Variants in RANBP17 observed in about 807,000 individuals in gnomAD.
RANBP17 encodes the protein RAN binding protein 17.
In RANBP17, 158 loss-of-function variants were observed where a neutral mutation model predicts 141.2. That is an observed-to-expected ratio of 1.12 (90% CI 0.98 to 1.28). RANBP17 has a LOEUF of 1.28. RANBP17 is among the 50% of genes most tolerant of loss of function. The pLI, the probability that RANBP17 is intolerant of heterozygous loss-of-function variation, is 0.00. For missense variants in RANBP17, 1,438 were observed against 1,290.7 expected, an observed-to-expected ratio of 1.11 and a Z score of -1.75; for synonymous variants, 430 against 450.0, an observed-to-expected ratio of 0.96 and a Z score of 0.56.
chr5:171,265,818 A>G lies in RANBP17; in HGVS notation c.2914A>G (p.Met972Val). The G allele has an allele frequency of 1.2e-6, 2 of 1,613,718 alleles. No individual in the cohort carries two copies. Among genetic ancestry groups the G allele is most frequent in the Non-Finnish European group, 1.7e-6 (2 of 1,179,876 alleles). Residue 972 changes from methionine to valine, a missense_variant, in exon 25 of 28, where the codon ATG (methionine) becomes GTG (valine). Physicochemically the swap from Met to Val is conservative, Grantham distance 21. Coordinates refer to ENST00000523189, the MANE Select transcript of RANBP17 (RefSeq NM_022897.5). ...TQAGQRLLHF[M>V]QQNPDVLQQM... is the part of the protein sequence containing the mutation. ...GGCTGGTCAGAGACTATTACATTTT[A>G]TGCAGCAAAACCCAGATGTCCTGCA...
rs111416757 is a variant in RANBP17, at chr5:170,869,241, T to C, written c.18+7190T>C. The stretch of plus-strand genomic sequence containing the variant: ...AAAACAGACAAATAATTTCCAGACT[T>C]TTCCATAATCTTTCCAAATAGGTTT... On this transcript the variant is annotated intron_variant, in intron 1 of 27. Transcript: ENST00000523189. 3.5e-3 allele frequency among the ~76,000 whole-genome samples: 528 copies of C among 152,296 alleles called. 6 individuals are homozygous for C. Among genetic ancestry groups the C allele is most frequent in the Admixed American group, 2.7e-3 (41 of 15,298 alleles).
At chr5:170,940,955 T>C (rs1774278797) in intron 12 of RANBP17, among the ~76,000 whole-genome samples, 1 of 151,366 alleles carries the variant, frequency 6.6e-6, no homozygotes, top group Non-Finnish European at 1.5e-5. Flanking sequence ...AAAACTAAAT[T>C]GCAAAACAAA....
intron 14 of RANBP17, among the ~76,000 whole-genome samples, chr5:171,082,762 C>A (rs931687915): frequency 1.3e-5 from 2 of 152,070 alleles, no homozygotes; most frequent in African/African-American, 4.8e-5. Flanking sequence ...TCTTAAATAA[C>A]TTCTGCTTTG....
intron 19 of RANBP17, among the ~76,000 whole-genome samples, chr5:171,204,166 G>A (rs1389307331): frequency 6.6e-6 from 1 of 152,196 alleles, no homozygotes; most frequent in Non-Finnish European, 1.5e-5. Flanking sequence ...TAATTTAAAG[G>A]AGCAGAAACA....
rs1764984012 is a variant in RANBP17, at chr5:171,242,963, G to T, written c.2776+143G>T. 1.5e-5 allele frequency: 11 copies of T among 753,546 alleles called. No homozygotes were observed. In the East Asian group the frequency reaches 2.8e-4, roughly 19 times the overall value. 46.7% of individuals were successfully genotyped at this position (753,546 alleles called of 1,614,324 possible). ...GAAAGATTATAATTATTACTTGCAA[G>T]TGGGAAAAATGTATTTCTTCATATT... On this transcript the variant is annotated intron_variant, in intron 24 of 27. Coordinates refer to ENST00000523189, the MANE Select transcript of RANBP17 (RefSeq NM_022897.5).
chr5:171,076,331 AT>A (rs1432646820), intron 14 of RANBP17, among the ~76,000 whole-genome samples: 1 of 152,220 alleles, frequency 6.6e-6, no homozygotes, highest in East Asian at 1.9e-4. Flanking sequence ...AATGAAAGAT[AT>A]CTGAGTTTCA....
rs111611723 is a variant in RANBP17, at chr5:170,892,195, T to A, written c.257-192T>A. ...GTGCTGAACATGGAGGTTTGTTACA[T>A]AGGTATACATGTGCCATGGTGTTTT... On this transcript the variant is annotated intron_variant, in intron 3 of 27. Transcript: ENST00000523189. Among the ~76,000 whole-genome samples the A allele has an allele frequency of 5.9e-3, 885 of 150,760 alleles. 7 individuals are homozygous for A. Among genetic ancestry groups the A allele is most frequent in the African/African-American group, 0.021 (843 of 41,020 alleles).
At chr5:171,093,577 G>T (rs1786469676) in intron 14 of RANBP17, among the ~76,000 whole-genome samples, 1 of 152,190 alleles carries the variant, frequency 6.6e-6, no homozygotes. Flanking sequence ...AGAGACAAAA[G>T]ACAAATATAG....
intron 14 of RANBP17, among the ~76,000 whole-genome samples, chr5:171,147,963 C>G (rs1013525475): frequency 6.6e-6 from 1 of 152,032 alleles, no homozygotes. Context: ...GAAAGGTGGG[C>G]AAAAGATTGA....
At chr5:170,902,023 A>G (rs1770687341) in intron 5 of RANBP17, among the ~76,000 whole-genome samples, 1 of 152,108 alleles carries the variant, frequency 6.6e-6, no homozygotes, top group Non-Finnish European at 1.5e-5. Context: ...CTCTAGGAGT[A>G]TCTTTGTGAT....
chr5:171,267,601 G>A (rs1766811960), intron 25 of RANBP17, among the ~76,000 whole-genome samples: 1 of 152,098 alleles, frequency 6.6e-6, no homozygotes, highest in African/African-American at 2.4e-5. Context: ...GAGGTCAGGA[G>A]TTCGAGACCA....
intron 14 of RANBP17, among the ~76,000 whole-genome samples, chr5:171,062,429 G>C (rs536055412): frequency 2.0e-5 from 3 of 152,230 alleles, no homozygotes; most frequent in South Asian, 4.1e-4. Context: ...AGCTTAGTTT[G>C]GCTGGATATG....
In RANBP17 at chr5:171,064,944, A is replaced by G. The variant is rs183601119; in HGVS notation, c.1710+96567A>G. On this transcript the variant is annotated intron_variant, in intron 14 of 27. Coordinates refer to ENST00000523189, the MANE Select transcript of RANBP17 (RefSeq NM_022897.5). Reference sequence around the variant, plus strand: ...ATATATGCTGTGAATGTTTTTCCCAATTTTGTCAGTTACCTTTGATTTTGT... The same window carrying G: ...ATATATGCTGTGAATGTTTTTCCCAGTTTTGTCAGTTACCTTTGATTTTGT... 8.6e-4 allele frequency among the ~76,000 whole-genome samples: 130 copies of G among 151,884 alleles called. 1 individual carries two copies. The East Asian group carries it at 0.013, about 15-fold the overall frequency.
At chr5:170,873,058 C>T (rs182100942) in intron 1 of RANBP17, among the ~76,000 whole-genome samples, 9 of 152,296 alleles carry the variant, frequency 5.9e-5, no homozygotes, top group East Asian at 1.9e-4. Context: ...ACTACAGGCA[C>T]GTGAAACCGT....
At chr5:170,950,007 C>G (rs1003920026) in intron 12 of RANBP17, among the ~76,000 whole-genome samples, 3 of 152,094 alleles carry the variant, frequency 2.0e-5, no homozygotes, top group Non-Finnish European at 4.4e-5. Context: ...AGGATACCCT[C>G]TTTAATAAAA....
chr5:170,966,104 T>C (rs533883491), intron 13 of RANBP17, among the ~76,000 whole-genome samples: 1 of 152,178 alleles, frequency 6.6e-6, no homozygotes, highest in Admixed American at 6.5e-5. Context: ...AGCCGAATTC[T>C]ACCAGAGGTA....
intron 22 of RANBP17, among the ~76,000 whole-genome samples, chr5:171,234,467 G>A (rs1764410336): frequency 6.6e-6 from 1 of 152,156 alleles, no homozygotes; most frequent in South Asian, 2.1e-4. Flanking sequence ...AATTACTCAC[G>A]CTGCTATATT....
chr5:171,001,154 C>T (rs978396007), intron 14 of RANBP17, among the ~76,000 whole-genome samples: 4 of 151,796 alleles, frequency 2.6e-5, no homozygotes, highest in African/African-American at 4.8e-5. Context: ...AGGGCTGCTT[C>T]GAGGGGATTA....
At chr5:171,178,020 GTT>G (rs200845643) in intron 16 of RANBP17, among the ~76,000 whole-genome samples, 1,568 of 141,680 alleles carry the variant, frequency 0.011, 27 homozygotes, top group South Asian at 0.041. Flanking sequence ...TTTTTATGTG[GTT>G]TTTTTTTTTT....
Sources: allele counts gnomAD v4.1 joint callset (sites outside exome capture counted in the v4.1 genomes callset), GRCh38; gene constraint gnomAD v4.1.1; transcripts MANE v1.5; gene names NCBI Gene and HGNC (gene_info 2026-07-23, HGNC 2026-07-21).